Variants in POLR2F observed in about 807,000 individuals in gnomAD.
POLR2F encodes the protein DNA-directed RNA polymerases I, II, and III subunit RPABC2.
Under a neutral mutation model 22.7 loss-of-function variants are expected in POLR2F, and 12 were observed. The observed-to-expected ratio is 0.53, with a 90% confidence interval of 0.34 to 0.86. The LOEUF (loss-of-function observed/expected upper bound fraction) is 0.86, where lower values mean the gene tolerates loss of function less well. POLR2F is among the 40% of genes least tolerant of loss of function. The pLI, the probability that POLR2F is intolerant of heterozygous loss-of-function variation, is 0.02. For missense variants in POLR2F, 126 were observed against 171.5 expected (o/e 0.73, Z 1.48); for synonymous variants, 57 against 66.0 (o/e 0.86, Z 0.66).
Position 37,991,118 on chromosome 22 carries a change from A to G in POLR2F, c.120+4806A>G, listed in dbSNP as rs547287719. On this transcript the variant is annotated intron_variant, in intron 1 of 2. Coordinates refer to the POLR2F transcript ENST00000333418. ...ACAACATAGTGAGACCCCCGTTTCC[A>G]TTGTTATTATTATTACTATTATTAT... Among the ~76,000 whole-genome samples the G allele has an allele frequency of 1.6e-3, 248 of 152,220 alleles. 1 individual carries two copies. The highest frequency in any genetic ancestry group is 5.4e-3 in the African/African-American group (224 of 41,532).
intron 1 of POLR2F, among the ~76,000 whole-genome samples, chr22:38,013,412 C>G (rs1430595448): frequency 6.6e-6 from 1 of 152,222 alleles, no homozygotes; most frequent in Non-Finnish European, 1.5e-5. Context: ...TCCCAGAGTG[C>G]TGGGATCACA....
At chr22:37,972,158 G>A (rs1167612715), downstream of POLR2F, 2 of 665,378 alleles carry the variant, frequency 3.0e-6, no homozygotes, top group Admixed American at 2.5e-5. Context: ...GGAGGGGAAG[G>A]GGGTGGGGAA....
chr22:37,986,286 C>T lies in POLR2F; in HGVS notation c.96C>T (p.Ala32=). 6.5e-7 allele frequency: 1 copy of T among 1,538,506 alleles called. No homozygotes were observed. The highest frequency in any genetic ancestry group is 8.7e-7 in the Non-Finnish European group (1 of 1,146,836). ...ACACCCGCTGCTGCCCGCCCGCTGC[C>T]TGCCTGCCTGGCATCTCTCTCTCCC... The change falls in exon 1 of 3, where the codon GCC becomes GCT. Residue 32 remains alanine (A), a synonymous_variant. Coordinates refer to the POLR2F transcript ENST00000333418. This position sits in a 1 kb window ranked among gnomAD's most constrained non-coding sequence, Gnocchi z 4.7.
intron 1 of POLR2F, chr22:38,025,499 C>A: frequency 7.0e-7 from 1 of 1,420,200 alleles, no homozygotes; most frequent in Non-Finnish European, 9.2e-7. Context: ...TTCACACTCA[C>A]AGTCCCAACA....
chr22:37,996,260 T>C (rs1202795137), intron 1 of POLR2F, among the ~76,000 whole-genome samples: 3 of 152,286 alleles, frequency 2.0e-5, no homozygotes, highest in Non-Finnish European at 2.9e-5. Context: ...CAGCTTCAGA[T>C]ACCACTGCCC....
In POLR2F at chr22:37,980,107, C is replaced by T. The variant is rs115389977; in HGVS notation, c.293+12937C>T. On this transcript the variant is annotated intron_variant, in intron 4 of 4. Transcript: ENST00000405557. The surrounding 1 kb of genome is among the most constrained non-coding windows in gnomAD (Gnocchi z 4.1). Reference sequence around the variant, plus strand: ...AGCTTTCTCAGAGGGTCCCTCCAGCCGAGACTCTGTCAGAGTCAGTGTACA... The same window carrying T: ...AGCTTTCTCAGAGGGTCCCTCCAGCTGAGACTCTGTCAGAGTCAGTGTACA... Among the ~76,000 whole-genome samples, 1,414 of 152,216 alleles carry T rather than the reference C, an allele frequency of 9.3e-3. 27 individuals are homozygous for T. The highest frequency in any genetic ancestry group is 0.032 in the African/African-American group (1,346 of 41,524).
chr22:37,972,913 G>A (rs1932101795), downstream of POLR2F: 2 of 154,052 alleles, frequency 1.3e-5, no homozygotes, highest in South Asian at 2.0e-4. Context: ...AGAAAGGGAG[G>A]GGGCATTGAA....
In POLR2F at chr22:37,978,217, T is replaced by TG. The variant is rs1932284201; in HGVS notation, c.293+11048dup. The TG allele has an allele frequency of 7.2e-7, 1 of 1,395,886 alleles. No homozygotes were observed. Among genetic ancestry groups the TG allele is most frequent in the African/African-American group, 1.4e-5 (1 of 69,114 alleles). 86.5% of individuals were successfully genotyped at this position (1,395,886 alleles called of 1,614,324 possible). ...CACTCCAGGTTGGCCTCCCTCTGAG[T>TG]GTCCATCTTGGAAGATGTGAGGCCC... On this transcript the variant is annotated intron_variant, in intron 4 of 4. Coordinates refer to the POLR2F transcript ENST00000405557. The surrounding 1 kb of genome is among the most constrained non-coding windows in gnomAD (Gnocchi z 5.0).
Position 37,956,643 on chromosome 22 carries a change from C to G in POLR2F, c.21-130C>G, listed in dbSNP as rs887721598. 3.9e-5 allele frequency: 28 copies of G among 714,656 alleles called. No individual in the cohort carries two copies. The African/African-American group carries it at 4.4e-4, about 11-fold the overall frequency. 44.3% of individuals were successfully genotyped at this position (714,656 alleles called of 1,614,324 possible). A position where few individuals can be genotyped will look rare whatever the true frequency, so the allele number is the denominator to read the frequency against. Reference sequence around the variant, plus strand: ...TGTTGGCCAGGCTGGTCTTGAATTCCTGGCCTCAAGTGATCCGCCCACTTC... The same window carrying G: ...TGTTGGCCAGGCTGGTCTTGAATTCGTGGCCTCAAGTGATCCGCCCACTTC... On this transcript the variant is annotated intron_variant, in intron 1 of 4. Transcript: ENST00000442738.
rs1340927924 is a variant in POLR2F at position 37,978,820 on chromosome 22, A to G, written c.293+11650A>G. On this transcript the variant is annotated intron_variant, in intron 4 of 4. Transcript: ENST00000405557. The surrounding 1 kb of genome is among the most constrained non-coding windows in gnomAD (Gnocchi z 5.0). Reference sequence around the variant, plus strand: ...GTGAGGGAATCTCACTCTGTCACCCATGCTAGAGCTCAGTGGTATGATCTC... The same window carrying G: ...GTGAGGGAATCTCACTCTGTCACCCGTGCTAGAGCTCAGTGGTATGATCTC... Among the ~76,000 whole-genome samples, 1 of 151,946 alleles carries G rather than the reference A, an allele frequency of 6.6e-6. No individual in the cohort carries two copies. Among genetic ancestry groups the G allele is most frequent in the East Asian group, 1.9e-4 (1 of 5,192 alleles).
chr22:37,979,160 C>T (rs373223912), intron 4 of POLR2F, among the ~76,000 whole-genome samples: 2 of 151,086 alleles, frequency 1.3e-5, no homozygotes, highest in African/African-American at 2.4e-5. Context: ...TGCCGTGATG[C>T]GGTCTCAGCT....
downstream of POLR2F, among the ~76,000 whole-genome samples, chr22:38,028,793 G>A (rs187796328): frequency 7.2e-5 from 11 of 152,264 alleles, no homozygotes; most frequent in Middle Eastern, 3.4e-3. Context: ...AGAATGGGAT[G>A]TGGCTGTTTG....
Position 37,963,375 on chromosome 22 carries a change from A to G in POLR2F, c.222-3724A>G, listed in dbSNP as rs556596684. The stretch of plus-strand genomic sequence containing the variant: ...GCTATCATAGCTCACTGCAGCCTCA[A>G]AACTTCTAGGCTTAAGTGATCTTCC... On this transcript the variant is annotated intron_variant, in intron 3 of 4. Transcript: ENST00000442738. Among the ~76,000 whole-genome samples, 6 of 152,290 alleles carry G rather than the reference A, an allele frequency of 3.9e-5. No homozygotes were observed. The South Asian group carries it at 6.2e-4, about 16-fold the overall frequency.
chr22:37,967,769 T>C lies in POLR2F; in HGVS notation c.*54T>C. On this transcript the variant is annotated 3_prime_UTR_variant, in exon 5 of 5. Transcript: ENST00000442738. The stretch of plus-strand genomic sequence containing the variant: ...ATGCCCAATTTTCATTCTCACTTTA[T>C]ATGTGTAAATAATAAAATATTCAAC... The C allele has an allele frequency of 1.9e-6, 3 of 1,565,562 alleles. No homozygotes were observed. The highest frequency in any genetic ancestry group is 2.3e-5 in the East Asian group (1 of 43,940).
chr22:37,965,396 C>G (rs1163226218), intron 3 of POLR2F, among the ~76,000 whole-genome samples: 1 of 152,230 alleles, frequency 6.6e-6, no homozygotes, highest in Non-Finnish European at 1.5e-5. Flanking sequence ...GTCACATCTA[C>G]TTCTTAACTG....
At chr22:38,040,938 A>G in intron 5 of POLR2F, 1 of 1,474,114 alleles carries the variant, frequency 6.8e-7, no homozygotes, top group East Asian at 2.3e-5. Flanking sequence ...CAAGTCAGCC[A>G]GAGGAGAGAG....
intron 1 of POLR2F, among the ~76,000 whole-genome samples, chr22:38,000,493 C>T (rs1319659778): frequency 6.6e-6 from 1 of 152,188 alleles, no homozygotes; most frequent in African/African-American, 2.4e-5. Context: ...GAGCCTTTTG[C>T]AAACTAAAGT....
upstream of POLR2F, chr22:37,983,779 C>T (rs1443703462): frequency 3.5e-6 from 5 of 1,448,456 alleles, no homozygotes; most frequent in African/African-American, 1.5e-5. This position sits in a 1 kb window ranked among gnomAD's most constrained non-coding sequence, Gnocchi z 9.5. Flanking sequence ...CCTGCTCCTC[C>T]GCCATGTCGC....
downstream of POLR2F, among the ~76,000 whole-genome samples, chr22:38,027,882 G>C (rs1056148474): frequency 6.6e-6 from 1 of 152,200 alleles, no homozygotes; most frequent in Non-Finnish European, 1.5e-5. Context: ...GCATGCCACA[G>C]TGTGGTGGAC....
Sources: allele counts gnomAD v4.1 joint callset (sites outside exome capture counted in the v4.1 genomes callset), GRCh38; gene constraint gnomAD v4.1.1; non-coding constraint Gnocchi (gnomAD v3.1); transcripts MANE v1.5; gene names NCBI Gene and HGNC (gene_info 2026-07-23, HGNC 2026-07-21).